Variants in SIAH2 observed in about 807,000 individuals in gnomAD.
The protein encoded by SIAH2 is E3 ubiquitin-protein ligase SIAH2.
Under a neutral mutation model 20.4 loss-of-function variants are expected in SIAH2, and 4 were observed. The ratio of observed to expected loss-of-function variants is 0.20; its 90% CI spans 0.10 to 0.45. SIAH2 has a LOEUF of 0.45. SIAH2 is among the 20% of genes least tolerant of loss of function. SIAH2 has a pLI of 0.99. For synonymous variants in SIAH2, 171 were observed against 192.5 expected (o/e 0.89, Z 0.93); for missense variants, 259 against 440.3 (o/e 0.59, Z 3.69).
At chr3:150,743,793 G>A (rs1332346345) in intron 1 of SIAH2, among the ~76,000 whole-genome samples, 1 of 152,112 alleles carries the variant, frequency 6.6e-6, no homozygotes, top group African/African-American at 2.4e-5. Context: ...CAGCCCACAA[G>A]TAGACACCTG....
At chr3:150,753,775 C>T (rs1313584247) in intron 1 of SIAH2, among the ~76,000 whole-genome samples, 1 of 151,698 alleles carries the variant, frequency 6.6e-6, no homozygotes, top group Admixed American at 6.6e-5. Context: ...GCTTGGATGA[C>T]AGAACTAGAC....
intron 1 of SIAH2, among the ~76,000 whole-genome samples, chr3:150,751,747 C>G (rs1302466912): frequency 2.0e-5 from 3 of 152,142 alleles, no homozygotes; most frequent in Non-Finnish European, 4.4e-5. Context: ...TAAAAAGAGA[C>G]AGGGTCCTGC....
At chr3:150,757,424 T>C (rs916579571) in intron 1 of SIAH2, among the ~76,000 whole-genome samples, 1 of 152,266 alleles carries the variant, frequency 6.6e-6, no homozygotes. Flanking sequence ...TAATATTCTC[T>C]TGGCAAAATG....
chr3:150,761,865 G>A (rs1342423059), intron 1 of SIAH2: 2 of 153,436 alleles, frequency 1.3e-5, no homozygotes, highest in East Asian at 1.9e-4. Flanking sequence ...TGGAAGGCTA[G>A]GAGAGAAAAA....
chr3:150,760,091 G>C (rs1455612420), intron 1 of SIAH2, among the ~76,000 whole-genome samples: 1 of 152,168 alleles, frequency 6.6e-6, no homozygotes, highest in Non-Finnish European at 1.5e-5. Flanking sequence ...AGGCCTTACG[G>C]CTCTCTGTTG....
intron 1 of SIAH2, among the ~76,000 whole-genome samples, chr3:150,748,717 T>C (rs1714282676): frequency 6.6e-6 from 1 of 152,218 alleles, no homozygotes; most frequent in South Asian, 2.1e-4. Flanking sequence ...CTCATAAACT[T>C]TTGAATTAAA....
intron 1 of SIAH2, among the ~76,000 whole-genome samples, chr3:150,749,396 T>G (rs775263388): frequency 7.9e-5 from 12 of 151,436 alleles, no homozygotes; most frequent in Non-Finnish European, 1.5e-4. Context: ...TCCCGGCTAC[T>G]AGGAGGGCAA....
At chr3:150,761,081 C>T (rs1446768898) in intron 1 of SIAH2, among the ~76,000 whole-genome samples, 1 of 152,186 alleles carries the variant, frequency 6.6e-6, no homozygotes, top group Non-Finnish European at 1.5e-5. Flanking sequence ...TTTTACTGAC[C>T]TGAGTCCCAA....
Position 150,762,583 on chromosome 3 carries a change from A to G in SIAH2, c.267T>C (p.Pro89=). The change falls in exon 1 of 2, where the codon CCT becomes CCC. Residue 89 remains proline, a synonymous_variant. Coordinates refer to ENST00000312960, the MANE Select transcript of SIAH2 (RefSeq NM_005067.7). This position sits in a 1 kb window ranked among gnomAD's most constrained non-coding sequence, Gnocchi z 6.6. The part of the protein sequence containing the change: ...ECPVCFDYVL[P]PILQCQAGHL... ...GCCCGGCCTGGCACTGCAGAATAGG[A>G]GGCAGGACATAGTCAAAGCAGACCG... is the stretch of plus-strand genomic sequence containing the variant. The G allele has an allele frequency of 6.2e-7, 1 of 1,613,110 alleles. No homozygotes were observed. The highest frequency in any genetic ancestry group is 8.5e-7 in the Non-Finnish European group (1 of 1,179,846).
Position 150,741,889 on chromosome 3 carries a change from G to T in SIAH2, c.*252C>A. 1 of 468,600 alleles carries T rather than the reference G, an allele frequency of 2.1e-6. No homozygotes were observed. Among genetic ancestry groups the T allele is most frequent in the South Asian group, 2.6e-5 (1 of 37,958 alleles). 29.0% of individuals were successfully genotyped at this position (468,600 alleles called of 1,614,324 possible). A position where few individuals can be genotyped will look rare whatever the true frequency, so the allele number is the denominator to read the frequency against. ...AACAGCCTGTCAAGTGTTGTTTAGG[G>T]AGTAAATACAATTCAATAAGAGTTG... On this transcript the variant is annotated 3_prime_UTR_variant, in exon 2 of 2. Coordinates refer to ENST00000312960, the MANE Select transcript of SIAH2 (RefSeq NM_005067.7).
intron 1 of SIAH2, among the ~76,000 whole-genome samples, chr3:150,753,290 A>T (rs929567887): frequency 2.6e-5 from 4 of 152,200 alleles, no homozygotes; most frequent in African/African-American, 9.7e-5. Flanking sequence ...CTGGAACTGC[A>T]GGAGATTCCA....
chr3:150,743,107 T>A (rs1714132909), intron 1 of SIAH2, among the ~76,000 whole-genome samples: 1 of 152,228 alleles, frequency 6.6e-6, no homozygotes, highest in Non-Finnish European at 1.5e-5. Context: ...AATATTATAT[T>A]ATCCCAAGAT....
rs148151216 is a variant in SIAH2 at position 150,742,715 on chromosome 3, G to C, written c.418-17C>G. 98 of 1,518,582 alleles carry C rather than the reference G, an allele frequency of 6.5e-5. No individual in the cohort carries two copies. The African/African-American group carries it at 1.2e-3, about 18-fold the overall frequency. The allele number at this position is 1,518,582 out of a possible 1,614,324, so 94.1% of individuals were successfully genotyped here. Reference sequence around the variant, plus strand: ...GGTGGCATACTGCAAAGAAAGAAATGCATTGAGCCATTGGGCCTTCTCAAA... The same window carrying C: ...GGTGGCATACTGCAAAGAAAGAAATCCATTGAGCCATTGGGCCTTCTCAAA... On this transcript the variant is annotated splice_polypyrimidine_tract_variant and intron_variant, in intron 1 of 1. Coordinates refer to ENST00000312960, the MANE Select transcript of SIAH2 (RefSeq NM_005067.7). This position sits in a 1 kb window ranked among gnomAD's most constrained non-coding sequence, Gnocchi z 4.8.
Position 150,762,973 on chromosome 3 carries a change from G to A in SIAH2, c.-124C>T. ...ACGCCACGGCGCCCAGCCCAGGTCC[G>A]GGCGGCGGAGACGCTCGGCGCCCGG... On this transcript the variant is annotated 5_prime_UTR_variant, in exon 1 of 2. Transcript: ENST00000312960. This position sits in a 1 kb window ranked among gnomAD's most constrained non-coding sequence, Gnocchi z 6.6. The A allele has an allele frequency of 9.4e-7, 1 of 1,063,678 alleles. No homozygotes were observed. The highest frequency in any genetic ancestry group is 5.3e-5 in the Admixed American group (1 of 18,954). 65.9% of individuals were successfully genotyped at this position (1,063,678 alleles called of 1,614,324 possible). A position where few individuals can be genotyped will look rare whatever the true frequency, so the allele number is the denominator to read the frequency against.
At chr3:150,760,485 T>C (rs1714582116) in intron 1 of SIAH2, among the ~76,000 whole-genome samples, 2 of 152,250 alleles carry the variant, frequency 1.3e-5, no homozygotes, top group African/African-American at 4.8e-5. Flanking sequence ...GTAGCCTGTT[T>C]CACGTTAGGA....
At position 150,741,641 on chromosome 3, in the gene SIAH2, T is replaced by G. The variant is rs1344579383; in HGVS notation, c.*500A>C. On this transcript the variant is annotated 3_prime_UTR_variant, in exon 2 of 2. Transcript: ENST00000312960. Reference sequence around the variant, plus strand: ...ATTGGCAGGCTCCCTAAATCTGCAATTTTAAGATAAGCACTCCGGGTGATT... The same window carrying G: ...ATTGGCAGGCTCCCTAAATCTGCAAGTTTAAGATAAGCACTCCGGGTGATT... 1 of 153,052 alleles carries G rather than the reference T, an allele frequency of 6.5e-6. No individual in the cohort carries two copies. Among genetic ancestry groups the G allele is most frequent in the South Asian group, 2.1e-4 (1 of 4,842 alleles). The allele number at this position is 153,052 out of a possible 1,614,324, so 9.5% of individuals were successfully genotyped here.
chr3:150,757,661 A>G (rs1471330137), intron 1 of SIAH2, among the ~76,000 whole-genome samples: 2 of 151,784 alleles, frequency 1.3e-5, no homozygotes, highest in Admixed American at 6.6e-5. Flanking sequence ...CCAATGCTAG[A>G]AAAAAAATCG....
chr3:150,750,178 G>C lies in SIAH2; in HGVS notation c.418-7480C>G, dbSNP rs185241103. 7.3e-3 allele frequency among the ~76,000 whole-genome samples: 1,105 copies of C among 152,254 alleles called. 7 individuals carry two copies. Among genetic ancestry groups the C allele is most frequent in the Non-Finnish European group, 0.01 (692 of 68,026 alleles). On this transcript the variant is annotated intron_variant, in intron 1 of 1. Coordinates refer to ENST00000312960, the MANE Select transcript of SIAH2 (RefSeq NM_005067.7). ...TTAACCATCAGTCAAACTTTTAAAA[G>C]GACTTCTAGCAATTCAAGCTAGCTG...
rs765926111 is a variant in SIAH2, at chr3:150,762,517, G to A, written c.333C>T (p.Cys111=). Reference sequence around the variant, plus strand: ...GCGTCAGGGCGCCCCTGCACGTCGGGCAGCAGCTCAACTTCTGGCGGCATT... The same window carrying A: ...GCGTCAGGGCGCCCCTGCACGTCGGACAGCAGCTCAACTTCTGGCGGCATT... ...CNQCRQKLSC[C]PTCRGALTPS... The change falls in exon 1 of 2, where the codon TGC becomes TGT. Residue 111 remains cysteine (C), a synonymous_variant. Coordinates refer to ENST00000312960, the MANE Select transcript of SIAH2 (RefSeq NM_005067.7). This position sits in a 1 kb window ranked among gnomAD's most constrained non-coding sequence, Gnocchi z 6.6. The A allele has an allele frequency of 6.2e-7, 1 of 1,613,636 alleles. No individual in the cohort carries two copies. Among genetic ancestry groups the A allele is most frequent in the Admixed American group, 1.7e-5 (1 of 60,016 alleles).
Sources: allele counts gnomAD v4.1 joint callset (sites outside exome capture counted in the v4.1 genomes callset), GRCh38; gene constraint gnomAD v4.1.1; non-coding constraint Gnocchi (gnomAD v3.1); transcripts MANE v1.5; gene names NCBI Gene and HGNC (gene_info 2026-07-23, HGNC 2026-07-21).